Variants in NCALD observed in about 807,000 individuals in gnomAD.
NCALD encodes the protein neurocalcin delta, also known as neurocalcin-delta.
NCALD carries 10 observed loss-of-function variants against 18.6 expected under a neutral mutation model. That is an observed-to-expected ratio of 0.54 (90% CI 0.33 to 0.91). NCALD has a LOEUF of 0.91. Ranked by LOEUF, NCALD falls within the 40% of genes least tolerant of loss-of-function variation. NCALD has a pLI of 0.03. For synonymous variants in NCALD, 88 were observed against 87.4 expected (o/e 1.01, Z -0.04); for missense variants, 184 against 247.6 (o/e 0.74, Z 1.72).
chr8:101,933,201 A>T (rs931182079), intron 2 of NCALD, among the ~76,000 whole-genome samples: 1 of 152,206 alleles, frequency 6.6e-6, no homozygotes, highest in African/African-American at 2.4e-5. Context: ...TGTCAATGTT[A>T]CCTTGTAGGA....
At chr8:101,754,679 T>A in intron 1 of NCALD, among the ~76,000 whole-genome samples, 1 of 152,150 alleles carries the variant, frequency 6.6e-6, no homozygotes, top group Non-Finnish European at 1.5e-5. Context: ...ATTCAGACCA[T>A]AGCAGGTGTT....
chr8:101,707,880 TAATA>T (rs562856899), intron 2 of NCALD, among the ~76,000 whole-genome samples: 30 of 151,244 alleles, frequency 2.0e-4, no homozygotes, highest in African/African-American at 6.3e-4. Context: ...AAAATGGTAA[TAATA>T]AATAAATAAA....
At chr8:101,945,850 T>C (rs147831159) in intron 2 of NCALD, among the ~76,000 whole-genome samples, 1 of 152,356 alleles carries the variant, frequency 6.6e-6, no homozygotes, top group African/African-American at 2.4e-5. Flanking sequence ...TAAACGAGGC[T>C]AAATGGTGTG....
At chr8:101,900,270 G>A (rs1008987295) in intron 3 of NCALD, among the ~76,000 whole-genome samples, 37 of 151,702 alleles carry the variant, frequency 2.4e-4, no homozygotes, top group African/African-American at 8.9e-4. Flanking sequence ...TGTTGCTGAA[G>A]GTTTATCAAT....
intron 2 of NCALD, among the ~76,000 whole-genome samples, chr8:101,952,400 T>C (rs1819463260): frequency 6.6e-6 from 1 of 152,242 alleles, no homozygotes; most frequent in Non-Finnish European, 1.5e-5. Flanking sequence ...TGTGGCCTCA[T>C]CTGCCATCCA....
intron 2 of NCALD, among the ~76,000 whole-genome samples, chr8:101,956,637 G>A (rs1819637141): frequency 6.6e-6 from 1 of 151,944 alleles, no homozygotes; most frequent in Non-Finnish European, 1.5e-5. Flanking sequence ...GAGAGAGACA[G>A]ACACACAGAG....
chr8:101,983,992 G>A (rs935264723), intron 2 of NCALD, among the ~76,000 whole-genome samples: 1 of 152,082 alleles, frequency 6.6e-6, no homozygotes, highest in Non-Finnish European at 1.5e-5. Flanking sequence ...TTGTAAATAG[G>A]TCTCTCCTGA....
intron 1 of NCALD, among the ~76,000 whole-genome samples, chr8:101,753,491 T>C (rs904651292): frequency 6.6e-6 from 1 of 152,170 alleles, no homozygotes; most frequent in Non-Finnish European, 1.5e-5. Flanking sequence ...CCCTCTACAA[T>C]GTCATGTTTT....
At chr8:101,776,399 AC>A (rs1333349649) in intron 1 of NCALD, among the ~76,000 whole-genome samples, 1 of 152,226 alleles carries the variant, frequency 6.6e-6, no homozygotes, top group East Asian at 1.9e-4. Flanking sequence ...TCTAAAAATT[AC>A]AAGACTAATT....
intron 2 of NCALD, among the ~76,000 whole-genome samples, chr8:101,977,638 G>A (rs1004967803): frequency 1.3e-5 from 2 of 152,132 alleles, no homozygotes; most frequent in African/African-American, 2.4e-5. Context: ...AACACTCAAG[G>A]ACAACTCCAC....
chr8:101,879,738 T>C (rs1181878562), intron 4 of NCALD, among the ~76,000 whole-genome samples: 1 of 152,180 alleles, frequency 6.6e-6, no homozygotes, highest in Non-Finnish European at 1.5e-5. Flanking sequence ...TTACAATCCC[T>C]GAGCTAGACA....
intron 1 of NCALD, among the ~76,000 whole-genome samples, chr8:102,049,792 C>T (rs1823367346): frequency 6.6e-6 from 1 of 152,112 alleles, no homozygotes; most frequent in African/African-American, 2.4e-5. Flanking sequence ...TTATGTTAAC[C>T]ATCTTTTCAT....
At chr8:102,054,526 TC>T (rs1823561481) in intron 1 of NCALD, among the ~76,000 whole-genome samples, 1 of 151,828 alleles carries the variant, frequency 6.6e-6, no homozygotes, top group Non-Finnish European at 1.5e-5. Flanking sequence ...AAGATTGAGG[TC>T]CCCCGAGAAA....
intron 1 of NCALD, among the ~76,000 whole-genome samples, chr8:102,055,029 G>A (rs965549680): frequency 6.6e-6 from 1 of 151,984 alleles, no homozygotes; most frequent in Admixed American, 6.6e-5. Context: ...AGATGGTGCA[G>A]CCACTGTGAG....
intron 1 of NCALD, among the ~76,000 whole-genome samples, chr8:101,732,696 C>G (rs1284013978): frequency 6.9e-6 from 1 of 145,274 alleles, no homozygotes; most frequent in African/African-American, 2.6e-5. Flanking sequence ...CTCTGCCTCC[C>G]AGGTTCAAGC....
intron 1 of NCALD, among the ~76,000 whole-genome samples, chr8:101,784,727 G>C (rs567134830): frequency 6.6e-6 from 1 of 152,080 alleles, no homozygotes; most frequent in East Asian, 1.9e-4. Context: ...CTTGAGCCCA[G>C]GTTTGAGGTT....
At chr8:101,935,536 G>T (rs1176262133) in intron 2 of NCALD, among the ~76,000 whole-genome samples, 2 of 152,118 alleles carry the variant, frequency 1.3e-5, no homozygotes, top group Admixed American at 6.5e-5. Context: ...GGAGTAATCC[G>T]TGATGTCCAA....
intron 4 of NCALD, among the ~76,000 whole-genome samples, chr8:101,873,706 C>A (rs1008171665): frequency 2.0e-5 from 3 of 152,166 alleles, no homozygotes; most frequent in African/African-American, 7.2e-5. Flanking sequence ...AAGAATGGGA[C>A]ATGATGTCAG....
At chr8:101,851,655 A>G (rs1160424495) in intron 4 of NCALD, among the ~76,000 whole-genome samples, 1 of 152,170 alleles carries the variant, frequency 6.6e-6, no homozygotes, top group Non-Finnish European at 1.5e-5. Context: ...ACACAGGCAG[A>G]CTGCAAACAC....
Sources: allele counts gnomAD v4.1 joint callset (sites outside exome capture counted in the v4.1 genomes callset), GRCh38; gene constraint gnomAD v4.1.1; transcripts MANE v1.5; gene names NCBI Gene and HGNC (gene_info 2026-07-23, HGNC 2026-07-21).